The following ELMOD1 variants were observed in gnomAD, a reference collection of about 807,000 sequenced individuals.
ELMOD1 encodes ELMO domain-containing protein 1.
A neutral mutation model predicts 46.7 loss-of-function variants in ELMOD1; 21 were observed. The observed-to-expected ratio is 0.45, with a 90% CI of 0.32 to 0.65. The LOEUF (loss-of-function observed/expected upper bound fraction) is 0.65, where lower values mean the gene tolerates loss of function less well. ELMOD1 is among the 30% of genes least tolerant of loss of function. ELMOD1 has a pLI of 0.04. For synonymous variants in ELMOD1, 122 were observed against 138.2 expected (o/e 0.88, Z 0.82); for missense variants, 348 against 407.8 (o/e 0.85, Z 1.26).
chr11:107,657,361 T>C (rs1308049339), intron 11 of ELMOD1, among the ~76,000 whole-genome samples: 1 of 152,000 alleles, frequency 6.6e-6, no homozygotes, highest in Non-Finnish European at 1.5e-5. Flanking sequence ...CCAGGCAACA[T>C]AGCGAGACCC....
At chr11:107,626,678 T>C (rs1208254593) in intron 2 of ELMOD1, among the ~76,000 whole-genome samples, 1 of 151,234 alleles carries the variant, frequency 6.6e-6, no homozygotes, top group African/African-American at 2.4e-5. Context: ...CTTTCTTTCC[T>C]AAACAACCAC....
chr11:107,663,693 A>C (rs1157209184), intron 11 of ELMOD1, among the ~76,000 whole-genome samples: 1 of 152,244 alleles, frequency 6.6e-6, no homozygotes, highest in African/African-American at 2.4e-5. Context: ...TTTTGTATTA[A>C]AATAAAATAT....
chr11:107,599,720 C>T (rs1007542406), intron 1 of ELMOD1, among the ~76,000 whole-genome samples: 10 of 125,058 alleles, frequency 8.0e-5, no homozygotes, highest in African/African-American at 1.3e-4. Flanking sequence ...CCAGCCAGGG[C>T]GACAGAGCGA....
intron 1 of ELMOD1, among the ~76,000 whole-genome samples, chr11:107,608,390 G>T (rs919271196): frequency 2.0e-5 from 3 of 151,850 alleles, no homozygotes; most frequent in African/African-American, 7.3e-5. Flanking sequence ...TAAAGGGAAA[G>T]GTGTGATGTA....
intron 2 of ELMOD1, among the ~76,000 whole-genome samples, chr11:107,622,774 G>C (rs1865972580): frequency 6.6e-6 from 1 of 152,174 alleles, no homozygotes; most frequent in African/African-American, 2.4e-5. Flanking sequence ...GAGCTTGTGA[G>C]ATATAGAAGC....
intron 2 of ELMOD1, chr11:107,625,564 G>A (rs1294518720): frequency 1.0e-6 from 1 of 985,180 alleles, no homozygotes; most frequent in Non-Finnish European, 1.2e-6. Context: ...ACAGGCAAGG[G>A]GCTACATGGT....
intron 7 of ELMOD1, among the ~76,000 whole-genome samples, chr11:107,649,048 A>T (rs1039008657): frequency 2.6e-5 from 4 of 152,138 alleles, no homozygotes; most frequent in Admixed American, 2.0e-4. Context: ...TTTATTTTAA[A>T]TTTAAGAAGT....
At chr11:107,601,376 T>C (rs1034766990) in intron 1 of ELMOD1, among the ~76,000 whole-genome samples, 1 of 151,140 alleles carries the variant, frequency 6.6e-6, no homozygotes, top group African/African-American at 2.4e-5. Flanking sequence ...TTAGTAATTC[T>C]AATTTTTTCT....
At chr11:107,663,702 A>T (rs1470333401) in intron 11 of ELMOD1, among the ~76,000 whole-genome samples, 1 of 152,242 alleles carries the variant, frequency 6.6e-6, no homozygotes, top group African/African-American at 2.4e-5. Context: ...AAAATAAAAT[A>T]TGAGTAAAGA....
chr11:107,606,028 TTC>T (rs1478148040), intron 1 of ELMOD1, among the ~76,000 whole-genome samples: 3 of 152,226 alleles, frequency 2.0e-5, no homozygotes, highest in Non-Finnish European at 2.9e-5. Context: ...TTAGAAAATT[TTC>T]TTTTTCTTTT....
chr11:107,646,237 G>C (rs143494713), intron 6 of ELMOD1, among the ~76,000 whole-genome samples: 100 of 152,214 alleles, frequency 6.6e-4, no homozygotes, highest in Admixed American at 1.8e-3. Flanking sequence ...AATAGAACCA[G>C]CTTATTAAGC....
intron 2 of ELMOD1, among the ~76,000 whole-genome samples, chr11:107,629,000 T>G (rs1211051959): frequency 6.6e-6 from 1 of 152,236 alleles, no homozygotes; most frequent in East Asian, 1.9e-4. Flanking sequence ...CATGGATATT[T>G]TCATGTTATT....
chr11:107,610,073 A>G (rs2135664811), intron 1 of ELMOD1, among the ~76,000 whole-genome samples: 1 of 152,296 alleles, frequency 6.6e-6, no homozygotes, highest in African/African-American at 2.4e-5. Context: ...TGTGTCAGGC[A>G]TTGTACCCGT....
At chr11:107,635,562 A>G in intron 5 of ELMOD1, 74 bp from the exon 6 acceptor site, 7 of 1,463,820 alleles carry the variant, frequency 4.8e-6, no homozygotes, top group Non-Finnish European at 6.5e-6. Context: ...TATCATGCAT[A>G]CATCAAGTGA....
chr11:107,640,672 C>G (rs942861461), intron 6 of ELMOD1, among the ~76,000 whole-genome samples: 1 of 152,130 alleles, frequency 6.6e-6, no homozygotes, highest in African/African-American at 2.4e-5. Context: ...CATGTTAAAT[C>G]TGTTCAAAAG....
At chr11:107,660,653 T>G (rs945260306) in intron 11 of ELMOD1, among the ~76,000 whole-genome samples, 1 of 152,204 alleles carries the variant, frequency 6.6e-6, no homozygotes, top group South Asian at 2.1e-4. Flanking sequence ...GTACCTGTTA[T>G]TGTAGACCAT....
At chr11:107,595,435 A>C (rs531444720) in intron 1 of ELMOD1, among the ~76,000 whole-genome samples, 1 of 152,296 alleles carries the variant, frequency 6.6e-6, no homozygotes, top group East Asian at 1.9e-4. Context: ...ATGATAAAAA[A>C]ATATGATCAA....
rs1243430221 is a variant in ELMOD1 at position 107,592,102 on chromosome 11, C to CT, written c.-86+701dup. ...GTGGTGGGGTGAGCTGTTGTGGGTG[C>CT]TTTTTTTTGTTTTCCAAGTGTGGGT... On this transcript the variant is annotated intron_variant, in intron 1 of 11. Transcript: ENST00000265840. 1.6e-4 allele frequency: 62 copies of CT among 382,662 alleles called. No homozygotes were observed. In the Middle Eastern group the frequency reaches 3.8e-3, roughly 24 times the overall value. 23.7% of individuals were successfully genotyped at this position (382,662 alleles called of 1,614,324 possible). A position where few individuals can be genotyped will look rare whatever the true frequency, so the allele number is the denominator to read the frequency against.
intron 1 of ELMOD1, 117 bp from the exon 2 acceptor site, chr11:107,617,988 T>C (rs1865889243): frequency 6.5e-6 from 4 of 617,942 alleles, no homozygotes; most frequent in Non-Finnish European, 1.2e-5. Context: ...GGCAGTTCTG[T>C]TGATAATGTT....
Sources: gnomAD v4.1 joint callset for allele counts (sites outside exome capture counted in the v4.1 genomes callset) on GRCh38, gnomAD v4.1.1 for gene constraint, MANE v1.5 for transcripts, NCBI Gene and HGNC (gene_info 2026-07-23, HGNC 2026-07-21) for gene names.